The following CELF4 variants were observed in gnomAD, a reference collection of about 807,000 sequenced individuals.
The protein encoded by CELF4 is CUG-BP- and ETR-3-like factor 4.
A neutral mutation model predicts 59.9 loss-of-function variants in CELF4; 18 were observed. The observed-to-expected ratio is 0.30, with a 90% CI of 0.21 to 0.45. The LOEUF is 0.45. Among genes scored for constraint, CELF4 ranks in the 20% least tolerant of loss-of-function variants. The pLI is 1.00. For synonymous variants in CELF4, 261 were observed against 267.1 expected, an observed-to-expected ratio of 0.98 and a Z score of 0.22; for missense variants, 456 against 689.0, an observed-to-expected ratio of 0.66 and a Z score of 3.79.
rs965277755 is a variant in CELF4, at chr18:37,254,904, C to T, written c.1334-966G>A. Among the ~76,000 whole-genome samples, 4 of 152,200 alleles carry T rather than the reference C, an allele frequency of 2.6e-5. No homozygotes were observed. The highest frequency in any genetic ancestry group is 2.6e-4 in the Admixed American group (4 of 15,282). On this transcript the variant is annotated intron_variant, in intron 11 of 12. Transcript: ENST00000420428. The surrounding 1 kb of genome is among the most constrained non-coding windows in gnomAD (Gnocchi z 5.1). ...TACATCAGCATTTCCCAAACTGGCCCTAATAGGTGCTCCTCGAGAAAGGGC... is the reference window on the plus strand; with the variant it reads ...TACATCAGCATTTCCCAAACTGGCCTTAATAGGTGCTCCTCGAGAAAGGGC...
chr18:37,284,838 G>C (rs1471832833), intron 3 of CELF4, among the ~76,000 whole-genome samples: 3 of 152,214 alleles, frequency 2.0e-5, no homozygotes, highest in South Asian at 4.1e-4. Flanking sequence ...AAGAAACTGA[G>C]GCACAGAGAA....
intron 2 of CELF4, among the ~76,000 whole-genome samples, chr18:37,378,336 C>T (rs2098996251): frequency 6.6e-6 from 1 of 152,166 alleles, no homozygotes; most frequent in African/African-American, 2.4e-5. Context: ...GCCACCCCCA[C>T]AGAAGGGAGG....
intron 1 of CELF4, among the ~76,000 whole-genome samples, chr18:37,494,909 T>G (rs1195632719): frequency 1.3e-5 from 2 of 152,168 alleles, no homozygotes; most frequent in Non-Finnish European, 2.9e-5. Flanking sequence ...GACCTCATCT[T>G]CTTCCCGCAG....
chr18:37,290,348 T>A (rs1044671781), intron 3 of CELF4, among the ~76,000 whole-genome samples: 1 of 152,242 alleles, frequency 6.6e-6, no homozygotes, highest in Admixed American at 6.5e-5. Context: ...GATGATGTTG[T>A]GATTTTAAAA....
chr18:37,403,706 G>A lies in CELF4; in HGVS notation c.369+81819C>T, dbSNP rs534879557. Among the ~76,000 whole-genome samples, 3 of 152,332 alleles carry A rather than the reference G, an allele frequency of 2.0e-5. No homozygotes were observed. In the South Asian group the frequency reaches 6.2e-4, roughly 32 times the overall value. On this transcript the variant is annotated intron_variant, in intron 2 of 12. Transcript: ENST00000420428. The stretch of plus-strand genomic sequence containing the variant: ...CAGGTGTGTGTTCCCCTTTGCAGAA[G>A]GGCGGCCCTAGGCAGAAGCGTGAGT...
intron 1 of CELF4, among the ~76,000 whole-genome samples, chr18:37,523,655 G>C (rs1200761205): frequency 6.6e-6 from 1 of 152,172 alleles, no homozygotes; most frequent in Non-Finnish European, 1.5e-5. Flanking sequence ...TGGGTCTTGG[G>C]GAGGGCTTGA....
intron 2 of CELF4, among the ~76,000 whole-genome samples, chr18:37,461,868 T>A (rs1603641788): frequency 6.6e-6 from 1 of 152,122 alleles, no homozygotes; most frequent in Admixed American, 6.5e-5. Flanking sequence ...GCCACATGGG[T>A]GCTCTGGTTG....
At chr18:37,317,433 C>T (rs944315402) in intron 3 of CELF4, among the ~76,000 whole-genome samples, 2 of 152,176 alleles carry the variant, frequency 1.3e-5, no homozygotes, top group African/African-American at 4.8e-5. Flanking sequence ...ATCCCTAACA[C>T]TCAGTCAGTG....
rs548933512 is a variant in CELF4 at position 37,479,116 on chromosome 18, C to T, written c.369+6409G>A. 9.2e-5 allele frequency among the ~76,000 whole-genome samples: 14 copies of T among 152,284 alleles called. No homozygotes were observed. The South Asian group carries it at 1.5e-3, about 16-fold the overall frequency. On this transcript the variant is annotated intron_variant, in intron 2 of 12. Coordinates refer to ENST00000420428, the MANE Select transcript of CELF4 (RefSeq NM_020180.4). The stretch of plus-strand genomic sequence containing the variant: ...CCCTGCAGACGTGGGTGCATGTGAA[C>T]GGCAGGCGACAAATGATCCTTAATG...
intron 2 of CELF4, among the ~76,000 whole-genome samples, chr18:37,483,462 G>A (rs968424045): frequency 6.6e-6 from 1 of 152,110 alleles, no homozygotes; most frequent in Admixed American, 6.5e-5. Flanking sequence ...TGTTCGAGGG[G>A]ACTCTAGGCT....
chr18:37,318,617 C>A (rs1356159374), intron 3 of CELF4, among the ~76,000 whole-genome samples: 2 of 134,830 alleles, frequency 1.5e-5, no homozygotes, highest in African/African-American at 5.5e-5. Context: ...TTAGGTTTGG[C>A]TTTCCCTACA....
chr18:37,336,695 C>G (rs115013082), intron 2 of CELF4, among the ~76,000 whole-genome samples: 1 of 152,124 alleles, frequency 6.6e-6, no homozygotes, highest in African/African-American at 2.4e-5. Flanking sequence ...CCTCCTGAGG[C>G]GGCCACCAGC....
chr18:37,491,490 C>T (rs770085832), intron 1 of CELF4, among the ~76,000 whole-genome samples: 2 of 152,132 alleles, frequency 1.3e-5, no homozygotes, highest in Non-Finnish European at 1.5e-5. Context: ...AGGGTGGAGA[C>T]GGGCTCTTCT....
At chr18:37,283,401 G>A (rs1295359284) in intron 3 of CELF4, among the ~76,000 whole-genome samples, 1 of 151,978 alleles carries the variant, frequency 6.6e-6, no homozygotes, top group African/African-American at 2.4e-5. Flanking sequence ...GCCAAGTCTG[G>A]TAATATCATG....
chr18:37,506,924 C>A (rs762424855), intron 1 of CELF4, among the ~76,000 whole-genome samples: 6 of 152,184 alleles, frequency 3.9e-5, no homozygotes, highest in Non-Finnish European at 2.9e-5. Context: ...GGGGGTCAGG[C>A]ACCCTCGTTT....
At chr18:37,435,059 C>A (rs937797114) in intron 2 of CELF4, among the ~76,000 whole-genome samples, 1 of 152,126 alleles carries the variant, frequency 6.6e-6, no homozygotes, top group South Asian at 2.1e-4. Flanking sequence ...AGTAACTGTT[C>A]TCTTCCAGCC....
intron 2 of CELF4, among the ~76,000 whole-genome samples, chr18:37,353,767 CTT>C (rs35838731): frequency 8.0e-4 from 73 of 90,930 alleles, no homozygotes; most frequent in Non-Finnish European, 1.1e-3. Context: ...GCAGTTCTTT[CTT>C]TTTTTTTTTT....
At chr18:37,297,691 C>T (rs1280305404) in intron 3 of CELF4, among the ~76,000 whole-genome samples, 3 of 152,242 alleles carry the variant, frequency 2.0e-5, no homozygotes, top group Non-Finnish European at 4.4e-5. Context: ...TGACCCTTTC[C>T]AGGCAGGGTC....
intron 2 of CELF4, among the ~76,000 whole-genome samples, chr18:37,362,564 T>C (rs2098721450): frequency 6.6e-6 from 1 of 152,124 alleles, no homozygotes; most frequent in Non-Finnish European, 1.5e-5. Context: ...GGCACCCTTC[T>C]GCCAGGACAC....
Sources: allele counts gnomAD v4.1 joint callset (sites outside exome capture counted in the v4.1 genomes callset), GRCh38; gene constraint gnomAD v4.1.1; non-coding constraint Gnocchi (gnomAD v3.1); transcripts MANE v1.5; gene names NCBI Gene and HGNC (gene_info 2026-07-23, HGNC 2026-07-21).